TENM3: variants seen among roughly 807,000 people sequenced by gnomAD.
TENM3 encodes teneurin transmembrane protein 3.
TENM3 carries 63 observed loss-of-function variants against 255.1 expected under a neutral mutation model. The ratio of observed to expected loss-of-function variants is 0.25; its 90% CI spans 0.20 to 0.30. The LOEUF (loss-of-function observed/expected upper bound fraction) is 0.30, where lower values mean the gene tolerates loss of function less well. Among genes scored for constraint, TENM3 ranks in the 10% least tolerant of loss-of-function variants. TENM3 has a pLI of 1.00. For synonymous variants in TENM3, 1,306 were observed against 1,322.3 expected (o/e 0.99, Z 0.27); for missense variants, 2,929 against 3,461.1 (o/e 0.85, Z 3.86).
At chr4:182,117,975 G>T in the TENM3 span, among the ~76,000 whole-genome samples, 1 of 152,034 alleles carries the variant, frequency 6.6e-6, no homozygotes, top group Admixed American at 6.5e-5. Flanking sequence ...GAGTTTTGTA[G>T]CTTTAAACCT....
intron 1 of TENM3, among the ~76,000 whole-genome samples, chr4:182,151,960 G>C (rs983025660): frequency 2.0e-5 from 3 of 151,918 alleles, no homozygotes; most frequent in Non-Finnish European, 4.4e-5. Flanking sequence ...ACAAAAATAA[G>C]GCACTCTTAA....
the TENM3 span, among the ~76,000 whole-genome samples, chr4:181,746,048 G>C: frequency 5.9e-5 from 9 of 152,162 alleles, no homozygotes; most frequent in African/African-American, 2.2e-4. Context: ...ATTGAAACTG[G>C]ATAAGCAGAT....
the TENM3 span, among the ~76,000 whole-genome samples, chr4:181,592,936 G>A: frequency 6.6e-6 from 1 of 152,074 alleles, no homozygotes; most frequent in Admixed American, 6.6e-5. Flanking sequence ...TCTTTGAGTT[G>A]AACACAAAAG....
chr4:182,348,837 A>G lies in TENM3; in HGVS notation c.511+1908A>G, dbSNP rs911695130. ...CTTTGTAACCTTTAGTTAACGACACATAATATCCAAATGTTAGGGAGAAGG... is the reference window on the plus strand; with the variant it reads ...CTTTGTAACCTTTAGTTAACGACACGTAATATCCAAATGTTAGGGAGAAGG... On this transcript the variant is annotated intron_variant, in intron 3 of 27. Coordinates refer to ENST00000511685, the MANE Select transcript of TENM3 (RefSeq NM_001080477.4). 9.9e-5 allele frequency among the ~76,000 whole-genome samples: 15 copies of G among 152,158 alleles called. 1 individual carries two copies. Among genetic ancestry groups the G allele is most frequent in the Non-Finnish European group, 4.4e-5 (3 of 68,024 alleles).
the TENM3 span, among the ~76,000 whole-genome samples, chr4:181,999,469 C>T: frequency 6.6e-6 from 1 of 152,108 alleles, no homozygotes; most frequent in Non-Finnish European, 1.5e-5. Context: ...TAGTTGACTT[C>T]ATAGGGATGA....
At chr4:182,283,874 T>C (rs993943493) in intron 1 of TENM3, among the ~76,000 whole-genome samples, 13 of 152,148 alleles carry the variant, frequency 8.5e-5, no homozygotes, top group African/African-American at 3.1e-4. Flanking sequence ...AAAAACATAC[T>C]GAGGAGTTAT....
the TENM3 span, among the ~76,000 whole-genome samples, chr4:182,052,968 A>G: frequency 6.6e-6 from 1 of 152,164 alleles, no homozygotes; most frequent in Admixed American, 6.5e-5. Context: ...TTAGCAGTAT[A>G]TATACATATA....
At chr4:182,571,886 T>C (rs771292514) in intron 3 of TENM3, among the ~76,000 whole-genome samples, 1 of 152,146 alleles carries the variant, frequency 6.6e-6, no homozygotes, top group Admixed American at 6.5e-5. Context: ...CAATTAGGAA[T>C]GATAAAACTG....
At chr4:182,452,316 A>AT (rs1272592030) in intron 3 of TENM3, among the ~76,000 whole-genome samples, 53 of 28,882 alleles carry the variant, frequency 1.8e-3, no homozygotes, top group Admixed American at 7.2e-3. Flanking sequence ...TTCTTTTTAG[A>AT]TTTTTTTTTT....
intron 11 of TENM3, among the ~76,000 whole-genome samples, chr4:182,687,394 T>C (rs1268943173): frequency 6.6e-6 from 1 of 152,200 alleles, no homozygotes; most frequent in Non-Finnish European, 1.5e-5. Flanking sequence ...TTCTTACACA[T>C]CTGAATTCTT....
At chr4:182,595,091 A>T (rs1339117262) in intron 3 of TENM3, among the ~76,000 whole-genome samples, 2 of 152,158 alleles carry the variant, frequency 1.3e-5, no homozygotes, top group Non-Finnish European at 2.9e-5. Context: ...GCACTATCAA[A>T]TAAGTGAGGC....
intron 3 of TENM3, among the ~76,000 whole-genome samples, chr4:182,437,796 TAAA>T (rs35043762): frequency 7.2e-6 from 1 of 138,524 alleles, no homozygotes; most frequent in South Asian, 2.6e-4. Context: ...AGACTCCGTC[TAAA>T]AAAAAAAAAA....
At chr4:181,675,717 C>G in the TENM3 span, among the ~76,000 whole-genome samples, 4 of 152,048 alleles carry the variant, frequency 2.6e-5, no homozygotes, top group South Asian at 6.2e-4. Context: ...TGAAAATTAT[C>G]ATTGCTCTAC....
At chr4:182,571,225 T>C (rs975860199) in intron 3 of TENM3, among the ~76,000 whole-genome samples, 6 of 152,164 alleles carry the variant, frequency 3.9e-5, no homozygotes, top group African/African-American at 1.4e-4. Context: ...TGTAAAACTT[T>C]TTTTAAAACT....
chr4:182,094,047 C>T, the TENM3 span, among the ~76,000 whole-genome samples: 3 of 152,036 alleles, frequency 2.0e-5, no homozygotes, highest in Non-Finnish European at 4.4e-5. Context: ...CTGGGCCCCA[C>T]AGAGCACAGA....
At chr4:181,735,942 G>A in the TENM3 span, among the ~76,000 whole-genome samples, 7 of 152,230 alleles carry the variant, frequency 4.6e-5, no homozygotes, top group Middle Eastern at 3.4e-3. Context: ...TAAATGCTAC[G>A]TGTGATTTTG....
intron 3 of TENM3, among the ~76,000 whole-genome samples, chr4:182,487,481 A>G (rs1734871568): frequency 6.6e-6 from 1 of 152,144 alleles, no homozygotes; most frequent in Admixed American, 6.5e-5. Context: ...GGGCGGTAGA[A>G]TTAATAAACC....
the TENM3 span, among the ~76,000 whole-genome samples, chr4:181,725,539 C>A: frequency 1.3e-5 from 2 of 151,396 alleles, no homozygotes; most frequent in African/African-American, 4.9e-5. Context: ...CCTGGGTTCA[C>A]ACCATTCTCC....
At chr4:182,177,641 A>G (rs1017404473) in intron 1 of TENM3, among the ~76,000 whole-genome samples, 8 of 151,266 alleles carry the variant, frequency 5.3e-5, no homozygotes, top group Non-Finnish European at 1.2e-4. Flanking sequence ...TCTACCCTCA[A>G]AACTACTTAA....
Sources: gnomAD v4.1 joint callset for allele counts (sites outside exome capture counted in the v4.1 genomes callset) on GRCh38, gnomAD v4.1.1 for gene constraint, MANE v1.5 for transcripts, NCBI Gene and HGNC (gene_info 2026-07-23, HGNC 2026-07-21) for gene names.